CPLANE1: variants seen among roughly 807,000 people sequenced by gnomAD.
The protein encoded by CPLANE1 is ciliogenesis and planar polarity effector complex subunit 1, also known as ciliogenesis and planar polarity effector 1.
CPLANE1 carries 263 observed loss-of-function variants against 362.5 expected under a neutral mutation model. That is an observed-to-expected ratio of 0.73 (90% CI 0.66 to 0.80). CPLANE1 has a LOEUF of 0.80. Among genes scored for constraint, CPLANE1 ranks in the 30% least tolerant of loss-of-function variants. The pLI is 0.00. For synonymous variants in CPLANE1, 1,212 were observed against 1,302.6 expected, an observed-to-expected ratio of 0.93 and a Z score of 1.50; for missense variants, 3,461 against 3,793.4, an observed-to-expected ratio of 0.91 and a Z score of 2.30.
chr5:37,209,556 C>A lies in CPLANE1; in HGVS notation c.2921-3131G>T. Reference sequence around the variant, plus strand: ...ACTGCAACCTCAGTCCATTTCAGTGCAAGGGAGCTCCCTCTTAATAAGTGC... The same window carrying A: ...ACTGCAACCTCAGTCCATTTCAGTGAAAGGGAGCTCCCTCTTAATAAGTGC... On this transcript the variant is annotated intron_variant, in intron 16 of 52. Transcript: ENST00000651892. This position sits in a 1 kb window ranked among gnomAD's most constrained non-coding sequence, Gnocchi z 4.6. 1 of 1,311,294 alleles carries A rather than the reference C, an allele frequency of 7.6e-7. No homozygotes were observed. The highest frequency in any genetic ancestry group is 1.1e-6 in the Non-Finnish European group (1 of 905,246). 81.2% of individuals were successfully genotyped at this position (1,311,294 alleles called of 1,614,324 possible). A position where few individuals can be genotyped will look rare whatever the true frequency, so the allele number is the denominator to read the frequency against.
chr5:37,217,502 G>T (rs1394660971), intron 15 of CPLANE1, among the ~76,000 whole-genome samples: 2 of 152,032 alleles, frequency 1.3e-5, no homozygotes, highest in East Asian at 3.9e-4. Flanking sequence ...AGCTACTAGT[G>T]AGGCTGAGGC....
chr5:37,222,291 T>A (rs971590946), intron 14 of CPLANE1, among the ~76,000 whole-genome samples: 13 of 152,198 alleles, frequency 8.5e-5, no homozygotes, highest in Non-Finnish European at 1.8e-4. Flanking sequence ...GTAAATCAGC[T>A]AGGAAATGCA....
intron 46 of CPLANE1, among the ~76,000 whole-genome samples, chr5:37,134,944 C>G (rs548988455): frequency 6.6e-6 from 1 of 151,998 alleles, no homozygotes. Flanking sequence ...CAGGCATGTG[C>G]CACCATGCCC....
In CPLANE1 at chr5:37,238,928, A is replaced by C; in HGVS notation, c.867T>G (p.Asn289Lys). The change falls in exon 8 of 53, where the codon AAT (asparagine) becomes AAG (lysine). Residue 289 changes from asparagine to lysine, a missense_variant. Around this residue, in one of 2 missense-constraint regions of CPLANE1, gnomAD observed 3,380 missense variants for 3,666.1 expected, o/e 0.92. Coordinates refer to ENST00000651892, the MANE Select transcript of CPLANE1 (RefSeq NM_001384732.1). ...TAAGGCTACCACAGAGAGTAACAAA[A>C]TTCAGTGTGTTTATAAATAATACCT... ...ATQVLFINTL[N>K]FVTLCGSLKG... The C allele has an allele frequency of 6.5e-7, 1 of 1,533,834 alleles. No individual in the cohort carries two copies. The highest frequency in any genetic ancestry group is 8.8e-7 in the Non-Finnish European group (1 of 1,140,602).
chr5:37,166,384 A>C (rs936764659), intron 35 of CPLANE1, among the ~76,000 whole-genome samples: 3 of 152,190 alleles, frequency 2.0e-5, no homozygotes, highest in African/African-American at 7.2e-5. Flanking sequence ...AAAGTATTAG[A>C]TGATACAGTA....
chr5:37,135,874 T>A (rs1767560504), intron 46 of CPLANE1, among the ~76,000 whole-genome samples: 2 of 151,498 alleles, frequency 1.3e-5, no homozygotes, highest in African/African-American at 4.8e-5. Flanking sequence ...CGTGAAATAG[T>A]GTTTTTACTA....
At chr5:37,193,039 C>T (rs762521167) in intron 21 of CPLANE1, among the ~76,000 whole-genome samples, 10 of 151,864 alleles carry the variant, frequency 6.6e-5, no homozygotes, top group South Asian at 2.1e-4. Context: ...TGGTGGCCCG[C>T]GCCTGTAATC....
chr5:37,241,993 CAG>C (rs1164869417), intron 6 of CPLANE1, among the ~76,000 whole-genome samples: 2 of 152,050 alleles, frequency 1.3e-5, no homozygotes, highest in African/African-American at 4.8e-5. Flanking sequence ...ATAAAACAAA[CAG>C]AAAAATAAAA....
chr5:37,165,416 G>A (rs1777985291), intron 36 of CPLANE1, 123 bp downstream of exon 36: 3 of 884,600 alleles, frequency 3.4e-6, no homozygotes, highest in Middle Eastern at 2.3e-4. Flanking sequence ...TATACTGAAT[G>A]ATATGAAGAT....
At chr5:37,119,253 C>A (rs1205872445) in intron 50 of CPLANE1, among the ~76,000 whole-genome samples, 1 of 152,156 alleles carries the variant, frequency 6.6e-6, no homozygotes, top group East Asian at 1.9e-4. Context: ...GTGATGTATT[C>A]ATCCTGCAAT....
At chr5:37,238,135 C>T (rs905346542) in intron 8 of CPLANE1, among the ~76,000 whole-genome samples, 5 of 152,148 alleles carry the variant, frequency 3.3e-5, no homozygotes, top group African/African-American at 1.2e-4. Context: ...GCTATGATCA[C>T]ACCACTACAC....
Position 37,106,263 on chromosome 5 carries a change from C to G in CPLANE1, c.*1339G>C, listed in dbSNP as rs542626078. 1 of 152,240 alleles carries G rather than the reference C, an allele frequency of 6.6e-6. No individual in the cohort carries two copies. Among genetic ancestry groups the G allele is most frequent in the Non-Finnish European group, 1.5e-5 (1 of 68,098 alleles). 9.4% of individuals were successfully genotyped at this position (152,240 alleles called of 1,614,324 possible). A position where few individuals can be genotyped will look rare whatever the true frequency, so the allele number is the denominator to read the frequency against. ...CTGCACTCCTACATTTATTGCAGCT[C>G]TATTCACAACAGCTAAGATATAGAA... On this transcript the variant is annotated 3_prime_UTR_variant, in exon 53 of 53. Transcript: ENST00000651892.
intron 50 of CPLANE1, 40 bp from the exon 51 acceptor site, chr5:37,115,089 T>A: frequency 1.6e-6 from 2 of 1,252,730 alleles, no homozygotes; most frequent in Non-Finnish European, 2.3e-6. Context: ...TCCATAGACA[T>A]CCATGATTTT....
the CPLANE1 span, among the ~76,000 whole-genome samples, chr5:37,087,441 A>C: frequency 1.3e-5 from 2 of 152,134 alleles, no homozygotes; most frequent in African/African-American, 4.8e-5. Flanking sequence ...AGTAAGAAAA[A>C]AGACAAGAAA....
the CPLANE1 span, among the ~76,000 whole-genome samples, chr5:37,077,359 C>CTT: frequency 6.6e-6 from 1 of 152,140 alleles, no homozygotes; most frequent in Non-Finnish European, 1.5e-5. Flanking sequence ...TCACTATCCT[C>CTT]TTTTGCATAA....
At chr5:37,244,244 TATAAAA>T in intron 5 of CPLANE1, 125 bp downstream of exon 5, 1 of 573,136 alleles carries the variant, frequency 1.7e-6, no homozygotes, top group Non-Finnish European at 2.9e-6. Context: ...ACCCAAGAAA[TATAAAA>T]ATATCTTTTC....
At chr5:37,083,160 T>C in the CPLANE1 span, among the ~76,000 whole-genome samples, 648 of 152,252 alleles carry the variant, frequency 4.3e-3, 3 homozygotes, top group Non-Finnish European at 7.6e-3. Context: ...GCTGGGTGGC[T>C]AGATCCAGAA....
intron 29 of CPLANE1, among the ~76,000 whole-genome samples, chr5:37,177,990 T>C (rs1386912615): frequency 2.0e-5 from 3 of 152,204 alleles, no homozygotes; most frequent in Non-Finnish European, 2.9e-5. Context: ...CACTATATGA[T>C]TATTCATTTC....
At chr5:37,088,671 G>A in the CPLANE1 span, among the ~76,000 whole-genome samples, 2 of 152,152 alleles carry the variant, frequency 1.3e-5, no homozygotes, top group Non-Finnish European at 2.9e-5. Context: ...AGCTTTCCTC[G>A]ATCAGATGGG....
Sources: gnomAD v4.1 joint callset for allele counts (sites outside exome capture counted in the v4.1 genomes callset) on GRCh38, gnomAD v4.1.1 for gene constraint, gnomAD v4.1.1 regional missense constraint, Gnocchi (gnomAD v3.1) non-coding constraint, MANE v1.5 for transcripts, NCBI Gene and HGNC (gene_info 2026-07-23, HGNC 2026-07-21) for gene names.